The following WNK2 variants were observed in gnomAD, a reference collection of about 807,000 sequenced individuals.
The protein encoded by WNK2 is WNK lysine deficient protein kinase 2.
Under a neutral mutation model 192.1 loss-of-function variants are expected in WNK2, and 67 were observed. The ratio of observed to expected loss-of-function variants is 0.35; its 90% CI spans 0.29 to 0.43. The LOEUF (loss-of-function observed/expected upper bound fraction) is 0.43. Among genes scored for constraint, WNK2 ranks in the 20% least tolerant of loss-of-function variants. The pLI, the probability that WNK2 is intolerant of heterozygous loss-of-function variation, is 1.00. For missense variants in WNK2, 2,698 were observed against 3,089.7 expected (o/e 0.87, Z 3.01); for synonymous variants, 1,439 against 1,393.9 (o/e 1.03, Z -0.72).
In WNK2 at chr9:93,247,881, C is replaced by G. The variant is rs1461019546; in HGVS notation, c.1834+47C>G. 6.6e-7 allele frequency: 1 copy of G among 1,507,154 alleles called. No individual in the cohort carries two copies. The highest frequency in any genetic ancestry group is 2.5e-5 in the East Asian group (1 of 40,630). The allele number at this position is 1,507,154 out of a possible 1,614,324, so 93.4% of individuals were successfully genotyped here. On this transcript the variant is annotated intron_variant, in intron 8 of 29. Coordinates refer to ENST00000427277, the MANE Select transcript of WNK2 (RefSeq NM_006648.4). The surrounding 1 kb of genome is among the most constrained non-coding windows in gnomAD (Gnocchi z 5.2). ...GGCCATGGGCACCCCTCCCACCTAC[C>G]CTGCAAAAACCAGCTATTGGGCAAA...
At chr9:93,246,341 G>A (rs538742272) in intron 7 of WNK2, among the ~76,000 whole-genome samples, 2 of 152,272 alleles carry the variant, frequency 1.3e-5, no homozygotes, top group Admixed American at 6.5e-5. Flanking sequence ...TGTCCTGGCC[G>A]AGCTCTGCAT....
At chr9:93,300,923 G>A (rs1316521895) in intron 26 of WNK2, among the ~76,000 whole-genome samples, 1 of 152,180 alleles carries the variant, frequency 6.6e-6, no homozygotes, top group Non-Finnish European at 1.5e-5. Context: ...CATCCTGCTT[G>A]GCCGGCTCCT....
intron 28 of WNK2, chr9:93,316,779 A>G (rs1355133038): frequency 1.3e-5 from 2 of 152,514 alleles, no homozygotes; most frequent in East Asian, 3.9e-4. Context: ...GACTGGAAGC[A>G]TGGAGGCACC....
intron 26 of WNK2, among the ~76,000 whole-genome samples, chr9:93,306,109 G>A (rs1233692553): frequency 6.6e-6 from 1 of 152,204 alleles, no homozygotes; most frequent in Non-Finnish European, 1.5e-5. Flanking sequence ...AAGGAGGCCA[G>A]AAATGTTCCA....
At chr9:93,193,839 A>G (rs1830768520) in intron 2 of WNK2, among the ~76,000 whole-genome samples, 1 of 152,344 alleles carries the variant, frequency 6.6e-6, no homozygotes, top group Non-Finnish European at 1.5e-5. Flanking sequence ...TCATTAAATT[A>G]TATTAACATT....
chr9:93,226,922 A>G (rs1354787226), intron 2 of WNK2, among the ~76,000 whole-genome samples: 1 of 151,992 alleles, frequency 6.6e-6, no homozygotes, highest in Non-Finnish European at 1.5e-5. Flanking sequence ...GCTGCTTCCA[A>G]TATCCAAGTC....
intron 4 of WNK2, among the ~76,000 whole-genome samples, chr9:93,232,964 C>CAAAAA (rs71511650): frequency 3.1e-3 from 254 of 81,302 alleles, no homozygotes; most frequent in Middle Eastern, 0.012. Context: ...CCTGTCTCTA[C>CAAAAA]AAAAAAAAAA....
intron 2 of WNK2, among the ~76,000 whole-genome samples, chr9:93,211,823 A>G (rs1039680267): frequency 6.7e-6 from 1 of 149,894 alleles, no homozygotes; most frequent in Non-Finnish European, 1.5e-5. Flanking sequence ...TTATTCACTC[A>G]CTCATCTACT....
At chr9:93,281,004 A>G (rs1847647667) in intron 19 of WNK2, among the ~76,000 whole-genome samples, 1 of 152,244 alleles carries the variant, frequency 6.6e-6, no homozygotes, top group African/African-American at 2.4e-5. Flanking sequence ...CTGGACATAT[A>G]TAAAATTCTA....
chr9:93,189,763 C>T (rs1829990107), intron 2 of WNK2, among the ~76,000 whole-genome samples: 1 of 152,240 alleles, frequency 6.6e-6, no homozygotes, highest in Non-Finnish European at 1.5e-5. Flanking sequence ...GGCAGGCGTT[C>T]TGCATGTCAT....
At chr9:93,283,272 A>G (rs1847990130) in intron 19 of WNK2, among the ~76,000 whole-genome samples, 1 of 152,186 alleles carries the variant, frequency 6.6e-6, no homozygotes, top group Non-Finnish European at 1.5e-5. Context: ...ATGGAACCCA[A>G]ATAAAGAAAG....
chr9:93,247,438 G>A lies in WNK2; in HGVS notation c.1543-105G>A, dbSNP rs143456124. On this transcript the variant is annotated intron_variant, in intron 7 of 29. Transcript: ENST00000427277. This position sits in a 1 kb window ranked among gnomAD's most constrained non-coding sequence, Gnocchi z 5.2. ...ATTCAGTGGCAGTGGGATGGCGAGC[G>A]TGTCCTGCGTGGATGAGCCAGTGAT... The A allele has an allele frequency of 5.3e-4, 688 of 1,296,926 alleles. 1 individual carries two copies. Among genetic ancestry groups the A allele is most frequent in the Non-Finnish European group, 6.9e-4 (638 of 929,268 alleles). 80.3% of individuals were successfully genotyped at this position (1,296,926 alleles called of 1,614,324 possible). A position where few individuals can be genotyped will look rare whatever the true frequency, so the allele number is the denominator to read the frequency against.
intron 2 of WNK2, among the ~76,000 whole-genome samples, chr9:93,200,804 A>G (rs1439746407): frequency 6.6e-6 from 1 of 152,160 alleles, no homozygotes; most frequent in Non-Finnish European, 1.5e-5. Flanking sequence ...TTTAAAAGGG[A>G]GGCATGAAAG....
chr9:93,239,731 C>A lies in WNK2; in HGVS notation c.1323-26C>A. 1 of 1,539,550 alleles carries A rather than the reference C, an allele frequency of 6.5e-7. No individual in the cohort carries two copies. On this transcript the variant is annotated intron_variant, in intron 6 of 29. Transcript: ENST00000427277. The surrounding 1 kb of genome is among the most constrained non-coding windows in gnomAD (Gnocchi z 4.2). ...CATGGAGGCCCTGGCGCCCGTGCCC[C>A]TGCCTGTCAGCTGCTCTCCCTCCAG...
At chr9:93,226,899 T>G (rs1037546753) in intron 2 of WNK2, among the ~76,000 whole-genome samples, 3 of 152,170 alleles carry the variant, frequency 2.0e-5, no homozygotes, top group African/African-American at 7.2e-5. Flanking sequence ...CAGGTGGGTC[T>G]ATGATGAATT....
Position 93,229,647 on chromosome 9 carries a change from C to T in WNK2, c.682-49C>T, listed in dbSNP as rs1838398815. 6.3e-7 allele frequency: 1 copy of T among 1,583,580 alleles called. No individual in the cohort carries two copies. Among genetic ancestry groups the T allele is most frequent in the Non-Finnish European group, 8.6e-7 (1 of 1,162,046 alleles). ...GCTGGGATGTGACGCCACCGTGTCC[C>T]CTTCTGTGTCCCATCTCTTGCCCAC... On this transcript the variant is annotated intron_variant, in intron 2 of 29. Coordinates refer to ENST00000427277, the MANE Select transcript of WNK2 (RefSeq NM_006648.4). The surrounding 1 kb of genome is among the most constrained non-coding windows in gnomAD (Gnocchi z 4.9).
chr9:93,308,164 G>C, intron 27 of WNK2, 164 bp from the exon 28 acceptor site: 1 of 1,373,642 alleles, frequency 7.3e-7, no homozygotes. Context: ...GTCTGACCCT[G>C]GGCAGCCAGG....
rs1275666508 is a variant in WNK2, at chr9:93,185,405, C to T, written c.476C>T (p.Ala159Val). Reference protein sequence around the residue: ...ATVRKEDEGAAEAKPEPGRTR... With the variant: ...ATVRKEDEGAVEAKPEPGRTR... ...GTGAGGAAGGAGGATGAGGGGGCGGCCGAGGCGAAGCCTGAGCCCGGGCGC... is the reference window on the plus strand; with the variant it reads ...GTGAGGAAGGAGGATGAGGGGGCGGTCGAGGCGAAGCCTGAGCCCGGGCGC... Residue 159 changes from alanine (A) to valine (V), a missense_variant, in exon 2 of 30, where the codon GCC becomes GTC. Transcript: ENST00000427277. 6.2e-7 allele frequency: 1 copy of T among 1,605,978 alleles called. No homozygotes were observed. The highest frequency in any genetic ancestry group is 8.5e-7 in the Non-Finnish European group (1 of 1,177,152).
chr9:93,265,190 C>T (rs1484708238), intron 16 of WNK2, among the ~76,000 whole-genome samples: 1 of 152,152 alleles, frequency 6.6e-6, no homozygotes, highest in Non-Finnish European at 1.5e-5. Flanking sequence ...TGGCAATAAG[C>T]GAGAGAGAAT....
Sources: allele counts gnomAD v4.1 joint callset (sites outside exome capture counted in the v4.1 genomes callset), GRCh38; gene constraint gnomAD v4.1.1; non-coding constraint Gnocchi (gnomAD v3.1); transcripts MANE v1.5; gene names NCBI Gene and HGNC (gene_info 2026-07-23, HGNC 2026-07-21).